SARDH: variants seen among roughly 807,000 people sequenced by gnomAD.
The protein encoded by SARDH is sarcosine dehydrogenase.
A neutral mutation model predicts 109.1 loss-of-function variants in SARDH; 95 were observed. That is an observed-to-expected ratio of 0.87 (90% CI 0.74 to 1.03). SARDH has a LOEUF of 1.03. Among genes scored for constraint, SARDH ranks in the 50% least tolerant of loss-of-function variants. The probability of loss-of-function intolerance (pLI) is 0.00; values close to 1 mark genes in which losing one functional copy is unlikely to be tolerated. For missense variants in SARDH, 1,267 were observed against 1,287.8 expected (o/e 0.98, Z 0.25); for synonymous variants, 572 against 534.8 (o/e 1.07, Z -0.96).
rs767320878 is a variant in SARDH at position 133,708,280 on chromosome 9, G to A, written c.1470+7C>T. 1.2e-6 allele frequency: 2 copies of A among 1,611,156 alleles called. No individual in the cohort carries two copies. The highest frequency in any genetic ancestry group is 2.2e-5 in the South Asian group (2 of 90,692). Reference sequence around the variant, plus strand: ...CCAGTCCCCAGCAGGAGCTGTAGGGGCGTTACCTCGTGCAGCGGGTCTCTC... The same window carrying A: ...CCAGTCCCCAGCAGGAGCTGTAGGGACGTTACCTCGTGCAGCGGGTCTCTC... On this transcript the variant is annotated splice_region_variant and intron_variant, in intron 11 of 20. Transcript: ENST00000439388.
chr9:133,733,718 C>T, intron 2 of SARDH, 125 bp downstream of exon 2: 1 of 983,318 alleles, frequency 1.0e-6, no homozygotes, highest in Non-Finnish European at 1.4e-6. Context: ...TGGCCATGCA[C>T]CCTTCCCCAG....
At chr9:133,702,866 T>G in intron 13 of SARDH, 50 bp downstream of exon 13, 1 of 1,564,692 alleles carries the variant, frequency 6.4e-7, no homozygotes, top group Non-Finnish European at 8.7e-7. Context: ...ATGGCTTATC[T>G]GAGGGACAGG....
rs752344400 is a variant in SARDH at position 133,694,302 on chromosome 9, A to C, written c.1877T>G (p.Leu626Arg). 1 of 1,550,520 alleles carries C rather than the reference A, an allele frequency of 6.4e-7. No homozygotes were observed. Among genetic ancestry groups the C allele is most frequent in the Non-Finnish European group, 8.7e-7 (1 of 1,146,914 alleles). ...GTESDLTVSR[L>R]APSHQASPLA... is the part of the protein sequence containing the mutation. ...CGGGGAGGCCTGGTGGCTGGGTGCC[A>C]GGCGGCTGACAGTCAGGTCACTCTC... The change falls in exon 15 of 21, where the codon CTG (leucine) becomes CGG (arginine). Residue 626 changes from leucine to arginine, a missense_variant. By Grantham distance (102) the Leu-to-Arg change is moderately radical. Coordinates refer to ENST00000439388, the MANE Select transcript of SARDH (RefSeq NM_001134707.2).
At chr9:133,713,176 T>A in intron 8 of SARDH, 52 bp from the exon 9 acceptor site, 1 of 1,495,156 alleles carries the variant, frequency 6.7e-7, no homozygotes, top group African/African-American at 1.4e-5. Context: ...CACATACTCT[T>A]GGGGTGAGGT....
chr9:133,667,012 A>G (rs2073836), intron 19 of SARDH, 142 bp from the exon 20 acceptor site: 1 of 1,132,594 alleles, frequency 8.8e-7, no homozygotes, highest in Non-Finnish European at 1.3e-6. Flanking sequence ...TACTAGGACT[A>G]CGCTGGTCCC....
In SARDH at chr9:133,690,405, T is replaced by C. The variant is rs754566263; in HGVS notation, c.2044A>G (p.Met682Val). 6 of 1,613,022 alleles carry C rather than the reference T, an allele frequency of 3.7e-6. No individual in the cohort carries two copies. In the Admixed American group the frequency reaches 6.7e-5, roughly 18 times the overall value. ...CTGGCTGGGCCCTGGATACTGATCATACCCAGGTCCTCGGAGCTGTCGATG... is the reference window on the plus strand; with the variant it reads ...CTGGCTGGGCCCTGGATACTGATCACACCCAGGTCCTCGGAGCTGTCGATG... ...QLIDSSEDLG[M>V]ISIQGPASRA... Residue 682 changes from methionine (M) to valine (V), a missense_variant, in exon 16 of 21, where the codon ATG becomes GTG. Transcript: ENST00000439388.
rs375053659 is a variant in SARDH, at chr9:133,675,244, A to G, written c.2164-3547T>C. 3.1e-4 allele frequency among the ~76,000 whole-genome samples: 47 copies of G among 152,144 alleles called. No homozygotes were observed. The South Asian group carries it at 7.1e-3, about 23-fold the overall frequency. On this transcript the variant is annotated intron_variant, in intron 17 of 20. Coordinates refer to ENST00000439388, the MANE Select transcript of SARDH (RefSeq NM_001134707.2). The stretch of plus-strand genomic sequence containing the variant: ...TGCATGCCTGTAGTCCCAGCTACTC[A>G]GGAGGCTGAGGTGGGAGAATCACTT...
intron 16 of SARDH, among the ~76,000 whole-genome samples, chr9:133,688,539 AC>A (rs967578491): frequency 3.3e-5 from 5 of 150,898 alleles, no homozygotes; most frequent in Non-Finnish European, 3.0e-5. Context: ...AACAGCAGAG[AC>A]CCCCCCACCA....
chr9:133,738,227 C>T, intron 1 of SARDH, 27 bp downstream of exon 1: 1 of 152,626 alleles, frequency 6.6e-6, no homozygotes, highest in Non-Finnish European at 1.5e-5. Context: ...CAGCCTCGTC[C>T]CTCCCTGGGG....
chr9:133,730,064 C>A lies in SARDH; in HGVS notation c.814G>T (p.Gly272Ter), dbSNP rs142784038. The change falls in exon 5 of 21, where the codon GGA becomes TGA. Residue 272 changes from glycine to a stop codon, truncating the protein, a stop_gained and splice_region_variant. Transcript: ENST00000439388. LOFTEE classifies it high-confidence loss of function. ...IQTPCVVNCA[G>*]VWASAVGRMA... ...GAGTCAGGAGAAATGCCACTCGCAC[C>A]TGCACAGTTGACCACGCAGGGTGTC... 3 of 1,614,052 alleles carry A rather than the reference C, an allele frequency of 1.9e-6. No homozygotes were observed. The highest frequency in any genetic ancestry group is 1.3e-5 in the African/African-American group (1 of 74,930).
intron 13 of SARDH, among the ~76,000 whole-genome samples, chr9:133,698,247 G>A (rs138744927): frequency 6.6e-6 from 1 of 152,202 alleles, no homozygotes; most frequent in East Asian, 1.9e-4. Flanking sequence ...CTAAAATCTA[G>A]ATTTTTTGAA....
chr9:133,673,038 G>A (rs1248631289), intron 17 of SARDH, among the ~76,000 whole-genome samples: 1 of 152,238 alleles, frequency 6.6e-6, no homozygotes, highest in Non-Finnish European at 1.5e-5. Context: ...TAATGTCTGT[G>A]GGCTGAGGCG....
intron 19 of SARDH, among the ~76,000 whole-genome samples, chr9:133,667,285 G>T (rs1406457754): frequency 2.5e-4 from 36 of 145,262 alleles, no homozygotes; most frequent in Admixed American, 2.4e-3. Flanking sequence ...TCCTGCCTCA[G>T]CCTCCGGAGT....
At position 133,692,220 on chromosome 9, in the gene SARDH, G is replaced by C. The variant is rs1014663478; in HGVS notation, c.1922-1693C>G. Among the ~76,000 whole-genome samples, 1 of 152,122 alleles carries C rather than the reference G, an allele frequency of 6.6e-6. No homozygotes were observed. The highest frequency in any genetic ancestry group is 2.4e-5 in the African/African-American group (1 of 41,434). On this transcript the variant is annotated intron_variant, in intron 15 of 20. Coordinates refer to ENST00000439388, the MANE Select transcript of SARDH (RefSeq NM_001134707.2). This position sits in a 1 kb window ranked among gnomAD's most constrained non-coding sequence, Gnocchi z 5.0. ...CACCAATGGGGGAAACTGAGGCTCGGGGGGGCAGGTCGCTGAGCCAGGTAG... is the reference window on the plus strand; with the variant it reads ...CACCAATGGGGGAAACTGAGGCTCGCGGGGGCAGGTCGCTGAGCCAGGTAG...
chr9:133,712,849 T>A lies in SARDH; in HGVS notation c.1238-140A>T, dbSNP rs557629091. 1.1e-6 allele frequency: 1 copy of A among 939,856 alleles called. No individual in the cohort carries two copies. The highest frequency in any genetic ancestry group is 1.6e-6 in the Non-Finnish European group (1 of 618,544). The allele number at this position is 939,856 out of a possible 1,614,324, so 58.2% of individuals were successfully genotyped here. On this transcript the variant is annotated intron_variant, in intron 9 of 20. Coordinates refer to ENST00000439388, the MANE Select transcript of SARDH (RefSeq NM_001134707.2). This position sits in a 1 kb window ranked among gnomAD's most constrained non-coding sequence, Gnocchi z 4.1. ...ACCTGGGGTGCTGCACGCCTCCTGATTGGACTGCTGCTGGACTGGACCCTG... is the reference window on the plus strand; with the variant it reads ...ACCTGGGGTGCTGCACGCCTCCTGAATGGACTGCTGCTGGACTGGACCCTG...
chr9:133,661,898 T>G (rs944151310), downstream of SARDH, among the ~76,000 whole-genome samples: 5 of 152,248 alleles, frequency 3.3e-5, no homozygotes, highest in East Asian at 5.8e-4. Context: ...TACGAAACGG[T>G]GTTTTTAAAG....
rs774569402 is a variant in SARDH at position 133,713,030 on chromosome 9, G to A, written c.1237+8C>T. 32 of 1,607,698 alleles carry A rather than the reference G, an allele frequency of 2.0e-5. No homozygotes were observed. The highest frequency in any genetic ancestry group is 3.3e-5 in the South Asian group (3 of 89,792). On this transcript the variant is annotated splice_region_variant and intron_variant, in intron 9 of 20. Coordinates refer to ENST00000439388, the MANE Select transcript of SARDH (RefSeq NM_001134707.2). ...TTGGGGGCCAGGAGGGCTGCTGCCCGGACTCACCTGCGCTGTTGAAGCCAC... is the reference window on the plus strand; with the variant it reads ...TTGGGGGCCAGGAGGGCTGCTGCCCAGACTCACCTGCGCTGTTGAAGCCAC...
intron 17 of SARDH, among the ~76,000 whole-genome samples, chr9:133,673,045 G>A (rs565323412): frequency 6.6e-6 from 1 of 152,360 alleles, no homozygotes; most frequent in Non-Finnish European, 1.5e-5. Flanking sequence ...TGTGGGCTGA[G>A]GCGGACACAG....
chr9:133,666,757 A>G lies in SARDH; in HGVS notation c.2609T>C (p.Ile870Thr). The change falls in exon 20 of 21, where the codon ATC (isoleucine) becomes ACC (threonine). Residue 870 changes from isoleucine (I) to threonine (T), a missense_variant. Physicochemically the swap from Ile to Thr is moderately conservative, Grantham distance 89. Coordinates refer to ENST00000439388, the MANE Select transcript of SARDH (RefSeq NM_001134707.2). This position sits in a 1 kb window ranked among gnomAD's most constrained non-coding sequence, Gnocchi z 5.2. The stretch of plus-strand genomic sequence containing the variant: ...CACCGGCCCACCGCTGGGGTCATGG[A>G]TGTAACCGTAGGCGATGGTCTTGTC... ...AIDKTIAYGY[I>T]HDPSGGPVSL... 6.3e-7 allele frequency: 1 copy of G among 1,598,260 alleles called. No homozygotes were observed. The highest frequency in any genetic ancestry group is 1.1e-5 in the South Asian group (1 of 88,382).
Sources: gnomAD v4.1 joint callset for allele counts (sites outside exome capture counted in the v4.1 genomes callset) on GRCh38, gnomAD v4.1.1 for gene constraint, Gnocchi (gnomAD v3.1) non-coding constraint, MANE v1.5 for transcripts, NCBI Gene and HGNC (gene_info 2026-07-23, HGNC 2026-07-21) for gene names.